Variants in ZBTB16 observed in about 807,000 individuals in gnomAD.
ZBTB16 encodes the protein zinc finger and BTB domain containing 16, also known as zinc finger and BTB domain-containing protein 16.
Under a neutral mutation model 56.8 loss-of-function variants are expected in ZBTB16, and 8 were observed. The observed-to-expected ratio is 0.14, with a 90% CI of 0.08 to 0.25. ZBTB16 has a LOEUF of 0.25. ZBTB16 is among the 10% of genes least tolerant of loss of function. The pLI is 1.00. For synonymous variants in ZBTB16, 363 were observed against 368.5 expected, an observed-to-expected ratio of 0.98 and a Z score of 0.17; for missense variants, 625 against 903.0, an observed-to-expected ratio of 0.69 and a Z score of 3.95.
intron 3 of ZBTB16, among the ~76,000 whole-genome samples, chr11:114,169,944 TTCC>T (rs1042993933): frequency 1.3e-5 from 2 of 152,140 alleles, no homozygotes; most frequent in African/African-American, 4.8e-5. Context: ...AGGCATCTCT[TTCC>T]TCCTCATCCT....
chr11:114,134,002 A>G (rs2134870048), intron 2 of ZBTB16, among the ~76,000 whole-genome samples: 1 of 152,298 alleles, frequency 6.6e-6, no homozygotes, highest in African/African-American at 2.4e-5. Flanking sequence ...CCCAGAGTGG[A>G]GAGCTTGGCA....
chr11:114,242,107 G>T, intron 4 of ZBTB16, 60 bp from the exon 5 acceptor site: 1 of 1,606,646 alleles, frequency 6.2e-7, no homozygotes. Context: ...CTCCAGATGG[G>T]TAAAGAATGC....
intron 3 of ZBTB16, among the ~76,000 whole-genome samples, chr11:114,183,456 A>G (rs1943297025): frequency 6.6e-6 from 1 of 152,128 alleles, no homozygotes; most frequent in African/African-American, 2.4e-5. Flanking sequence ...CTTCTCAGTC[A>G]TTAAAGCGAG....
intron 2 of ZBTB16, among the ~76,000 whole-genome samples, chr11:114,106,678 T>G (rs1312456626): frequency 6.6e-6 from 1 of 152,144 alleles, no homozygotes; most frequent in Non-Finnish European, 1.5e-5. Context: ...TTCACCATGT[T>G]GGCCAGGCTG....
chr11:114,132,935 C>T (rs1177608215), intron 2 of ZBTB16, among the ~76,000 whole-genome samples: 3 of 151,690 alleles, frequency 2.0e-5, no homozygotes, highest in African/African-American at 7.3e-5. Context: ...TAAGTACAAT[C>T]AGAAGGTTCC....
intron 4 of ZBTB16, among the ~76,000 whole-genome samples, chr11:114,194,106 A>T (rs1436851473): frequency 6.6e-6 from 1 of 152,124 alleles, no homozygotes; most frequent in Non-Finnish European, 1.5e-5. Context: ...CCTGTGCTCC[A>T]TTGCACTAAG....
Position 114,064,652 on chromosome 11 carries a change from G to C in ZBTB16, c.1268+84G>C. 6.5e-7 allele frequency: 1 copy of C among 1,534,638 alleles called. No individual in the cohort carries two copies. The highest frequency in any genetic ancestry group is 8.9e-7 in the Non-Finnish European group (1 of 1,129,850). On this transcript the variant is annotated intron_variant, in intron 2 of 6. Coordinates refer to ENST00000335953, the MANE Select transcript of ZBTB16 (RefSeq NM_006006.6). The surrounding 1 kb of genome is among the most constrained non-coding windows in gnomAD (Gnocchi z 4.2). ...TCACACCCTGGCTGCTCCCAAGTTA[G>C]GGGCCTGGCTCCCCTGTCTTGGCAA... is the stretch of plus-strand genomic sequence containing the variant.
chr11:114,061,801 A>C (rs1442644824), intron 1 of ZBTB16, among the ~76,000 whole-genome samples: 2 of 151,896 alleles, frequency 1.3e-5, no homozygotes, highest in Non-Finnish European at 2.9e-5. Context: ...GTTGTAACTC[A>C]CACCACAGGT....
chr11:114,195,063 C>T (rs1398804774), intron 4 of ZBTB16, among the ~76,000 whole-genome samples: 2 of 152,170 alleles, frequency 1.3e-5, no homozygotes, highest in Non-Finnish European at 2.9e-5. Flanking sequence ...TATTCAAAGT[C>T]AAACTAATTA....
In ZBTB16 at chr11:114,252,714, C is replaced by T. The variant is rs937804059; in HGVS notation, c.*2159C>T. ...GGTTTTACAAAGTGGTTTAGGGAAG[C>T]GGTTTTGGGGAGAAGGATCACGAGG... On this transcript the variant is annotated 3_prime_UTR_variant, in exon 7 of 7. Coordinates refer to ENST00000335953, the MANE Select transcript of ZBTB16 (RefSeq NM_006006.6). 1.3e-5 allele frequency among the ~76,000 whole-genome samples: 2 copies of T among 151,990 alleles called. No individual in the cohort carries two copies. Among genetic ancestry groups the T allele is most frequent in the Non-Finnish European group, 2.9e-5 (2 of 68,012 alleles).
In ZBTB16 at chr11:114,063,489, C is replaced by T. The variant is rs1938965901; in HGVS notation, c.189C>T (p.Phe63=). 6.2e-7 allele frequency: 1 copy of T among 1,614,102 alleles called. No homozygotes were observed. Among genetic ancestry groups the T allele is most frequent in the African/African-American group, 1.3e-5 (1 of 74,946 alleles). ...CCAGCAAGATGTTTGAGATCCTCTT[C>T]CACCGCAATAGTCAACACTATACTT... ...ACTSKMFEIL[F]HRNSQHYTLD... is the part of the protein sequence containing the mutation. The change falls in exon 2 of 7, where the codon TTC becomes TTT. Residue 63 remains phenylalanine (F), a synonymous_variant. Coordinates refer to ENST00000335953, the MANE Select transcript of ZBTB16 (RefSeq NM_006006.6). This position sits in a 1 kb window ranked among gnomAD's most constrained non-coding sequence, Gnocchi z 6.5.
At chr11:114,173,238 G>A (rs1181203479) in intron 3 of ZBTB16, among the ~76,000 whole-genome samples, 1 of 152,204 alleles carries the variant, frequency 6.6e-6, no homozygotes, top group Non-Finnish European at 1.5e-5. Context: ...ATGGGTGTTG[G>A]GGAGTATTAT....
chr11:114,105,536 G>A (rs746418933), intron 2 of ZBTB16, among the ~76,000 whole-genome samples: 11 of 152,188 alleles, frequency 7.2e-5, no homozygotes, highest in Non-Finnish European at 1.3e-4. Flanking sequence ...CACCGCGCCC[G>A]ACCCAATTCT....
chr11:114,183,124 C>T (rs760733787), intron 3 of ZBTB16, among the ~76,000 whole-genome samples: 83 of 152,212 alleles, frequency 5.5e-4, no homozygotes, highest in Non-Finnish European at 4.9e-4. Context: ...AGAGCCTGTC[C>T]GGGTGGGCGT....
rs1025738665 is a variant in ZBTB16, at chr11:114,072,818, C to T, written c.1268+8250C>T. ...CTGTAATCCCAGCACTTTGGGAGGC[C>T]GAGGCGGGCGGATCACGAGGTCAGG... On this transcript the variant is annotated intron_variant, in intron 2 of 6. Transcript: ENST00000335953. 3.3e-5 allele frequency among the ~76,000 whole-genome samples: 5 copies of T among 151,866 alleles called. No homozygotes were observed. In the South Asian group the frequency reaches 1.0e-3, roughly 32 times the overall value.
At chr11:114,210,192 T>TGTGTGC (rs773801156) in intron 4 of ZBTB16, among the ~76,000 whole-genome samples, 12,205 of 143,098 alleles carry the variant, frequency 0.085, 663 homozygotes, top group East Asian at 0.21. Flanking sequence ...TGTGTGTGTG[T>TGTGTGC]GCGTGCGCGC....
At chr11:114,089,311 G>A (rs1445161621) in intron 2 of ZBTB16, among the ~76,000 whole-genome samples, 1 of 152,178 alleles carries the variant, frequency 6.6e-6, no homozygotes, top group Non-Finnish European at 1.5e-5. Flanking sequence ...TGCTGGCTTA[G>A]GCTTCATAAT....
intron 4 of ZBTB16, among the ~76,000 whole-genome samples, chr11:114,224,589 C>A (rs1944294834): frequency 6.6e-6 from 1 of 152,036 alleles, no homozygotes; most frequent in South Asian, 2.1e-4. Flanking sequence ...TATAAATGAT[C>A]ATTGAAGCCC....
At chr11:114,224,631 G>C (rs1458198205) in intron 4 of ZBTB16, among the ~76,000 whole-genome samples, 1 of 152,130 alleles carries the variant, frequency 6.6e-6, no homozygotes, top group Non-Finnish European at 1.5e-5. Context: ...TAACAAGAGA[G>C]TATAGAAAGA....
Sources: allele counts gnomAD v4.1 joint callset (sites outside exome capture counted in the v4.1 genomes callset), GRCh38; gene constraint gnomAD v4.1.1; non-coding constraint Gnocchi (gnomAD v3.1); transcripts MANE v1.5; gene names NCBI Gene and HGNC (gene_info 2026-07-23, HGNC 2026-07-21).